Variants in CCDC178 observed in about 807,000 individuals in gnomAD.
CCDC178 encodes coiled-coil domain-containing protein 178.
A neutral mutation model predicts 117.4 loss-of-function variants in CCDC178; 126 were observed. The ratio of observed to expected loss-of-function variants is 1.07; its 90% CI spans 0.93 to 1.24. The LOEUF (loss-of-function observed/expected upper bound fraction) is 1.24, where lower values mean the gene tolerates loss of function less well. CCDC178 is among the 50% of genes most tolerant of loss of function. The pLI is 0.00. For synonymous variants in CCDC178, 283 were observed against 313.4 expected, an observed-to-expected ratio of 0.90 and a Z score of 1.02; for missense variants, 1,030 against 986.9, an observed-to-expected ratio of 1.04 and a Z score of -0.59.
intron 20 of CCDC178, among the ~76,000 whole-genome samples, chr18:33,093,823 T>C (rs183994014): frequency 2.6e-5 from 4 of 152,166 alleles, no homozygotes; most frequent in South Asian, 2.1e-4. Flanking sequence ...CTTTATTCAT[T>C]ACAATGTTAT....
At chr18:33,035,721 A>G (rs994279688) in intron 21 of CCDC178, among the ~76,000 whole-genome samples, 8 of 151,992 alleles carry the variant, frequency 5.3e-5, no homozygotes, top group Non-Finnish European at 1.2e-4. Context: ...GAAAGTGTTA[A>G]TTTGATTGTG....
chr18:33,437,163 G>T (rs748834878), intron 2 of CCDC178, among the ~76,000 whole-genome samples: 1 of 152,032 alleles, frequency 6.6e-6, no homozygotes, highest in Non-Finnish European at 1.5e-5. Context: ...AGAATTTGTC[G>T]CAAGTGTAAT....
At chr18:33,207,972 T>C (rs1340708308) in intron 20 of CCDC178, among the ~76,000 whole-genome samples, 3 of 152,024 alleles carry the variant, frequency 2.0e-5, no homozygotes, top group Non-Finnish European at 2.9e-5. Flanking sequence ...CTTGTGATCA[T>C]TGAAGCACCG....
intron 14 of CCDC178, among the ~76,000 whole-genome samples, chr18:33,246,961 G>T (rs2059556712): frequency 6.6e-6 from 1 of 151,900 alleles, no homozygotes; most frequent in Middle Eastern, 3.4e-3. Context: ...TGGTTAATTG[G>T]GACCAAGTAG....
intron 14 of CCDC178, among the ~76,000 whole-genome samples, chr18:33,250,474 A>C (rs1210261577): frequency 6.6e-6 from 1 of 151,690 alleles, no homozygotes; most frequent in East Asian, 1.9e-4. Context: ...AAAAATTTGA[A>C]AATAAACATT....
At chr18:32,959,226 A>G (rs1440811648) in intron 22 of CCDC178, among the ~76,000 whole-genome samples, 1 of 152,164 alleles carries the variant, frequency 6.6e-6, no homozygotes, top group Non-Finnish European at 1.5e-5. Flanking sequence ...AGAGTTTTCA[A>G]GTCAAGGTTT....
In CCDC178 at chr18:32,985,285, A is replaced by T. The variant is rs1173185052; in HGVS notation, c.2389-10604T>A. Among the ~76,000 whole-genome samples, 4 of 151,996 alleles carry T rather than the reference A, an allele frequency of 2.6e-5. No homozygotes were observed. In the South Asian group the frequency reaches 6.2e-4, roughly 24 times the overall value. ...GTTTTAAACAATTTGCAAAAATTCA[A>T]CTGCAAATGTAAATAAAATACGCCA... On this transcript the variant is annotated intron_variant, in intron 21 of 22. Transcript: ENST00000383096.
intron 22 of CCDC178, among the ~76,000 whole-genome samples, chr18:32,952,063 GC>G (rs60994256): frequency 1 from 152,322 of 152,324 alleles, 76,160 homozygotes; most frequent in Non-Finnish European, 1. Context: ...GCAGGGTACA[GC>G]CCCCCCTCCC....
At chr18:33,221,919 T>C (rs2059239523) in intron 18 of CCDC178, among the ~76,000 whole-genome samples, 1 of 152,106 alleles carries the variant, frequency 6.6e-6, no homozygotes, top group Non-Finnish European at 1.5e-5. Context: ...TAAAGAATTA[T>C]GTATATGATT....
Position 33,277,685 on chromosome 18 carries a change from C to T in CCDC178, c.1177-10388G>A, listed in dbSNP as rs548940382. The stretch of plus-strand genomic sequence containing the variant: ...TATGTTTTCACAGTTTCTATGTGGC[C>T]CCCTCCATCTTCAAGTCAGCAATGA... On this transcript the variant is annotated intron_variant, in intron 12 of 22. Transcript: ENST00000383096. Among the ~76,000 whole-genome samples, 8 of 152,080 alleles carry T rather than the reference C, an allele frequency of 5.3e-5. No homozygotes were observed. In the South Asian group the frequency reaches 1.7e-3, roughly 32 times the overall value.
intron 22 of CCDC178, among the ~76,000 whole-genome samples, chr18:32,945,996 T>C (rs996480561): frequency 2.6e-5 from 4 of 152,204 alleles, no homozygotes; most frequent in African/African-American, 9.6e-5. Context: ...TAATTGTCTC[T>C]TGACCATAAA....
intron 14 of CCDC178, among the ~76,000 whole-genome samples, chr18:33,247,984 G>C (rs1429073383): frequency 6.6e-6 from 1 of 151,336 alleles, no homozygotes. Context: ...CTAGACTTGA[G>C]AAAAAAATAG....
At position 33,333,206 on chromosome 18, in the gene CCDC178, C is replaced by T; in HGVS notation, c.847G>A (p.Asp283Asn). Residue 283 changes from aspartate to asparagine, a missense_variant, in exon 10 of 23, where the codon GAT becomes AAT. By Grantham distance (23) the Asp-to-Asn change is conservative. Transcript: ENST00000383096. ...LDSKQNQELQ[D>N]LKNHYKKKME... ...TTTTTTTTATAATGGTTCTTCAGAT[C>T]TTGAAGTTCCTGATTCTGCTTAGAG... is the stretch of plus-strand genomic sequence containing the variant. 1.9e-6 allele frequency: 3 copies of T among 1,601,964 alleles called. No homozygotes were observed. The highest frequency in any genetic ancestry group is 2.6e-6 in the Non-Finnish European group (3 of 1,173,750).
intron 9 of CCDC178, among the ~76,000 whole-genome samples, chr18:33,336,496 T>A (rs866003326): frequency 6.6e-6 from 1 of 152,140 alleles, no homozygotes; most frequent in African/African-American, 2.4e-5. Flanking sequence ...TTTAAATGAT[T>A]TGAAGAACTA....
intron 14 of CCDC178, among the ~76,000 whole-genome samples, chr18:33,249,006 T>C (rs2144703797): frequency 6.6e-6 from 1 of 152,274 alleles, no homozygotes; most frequent in East Asian, 1.9e-4. Context: ...TTTGCATTTC[T>C]CTGATGGCCA....
rs1450940045 is a variant in CCDC178, at chr18:33,260,877, A to T, written c.1409+6039T>A. On this transcript the variant is annotated intron_variant, in intron 14 of 22. Transcript: ENST00000383096. ...ACAAATCTGGTGAATGTATACGTAT[A>T]GGTCTGATTTTGGACTTTCTACTCA... Among the ~76,000 whole-genome samples, 3 of 152,044 alleles carry T rather than the reference A, an allele frequency of 2.0e-5. No individual in the cohort carries two copies. The East Asian group carries it at 5.8e-4, about 29-fold the overall frequency.
intron 5 of CCDC178, among the ~76,000 whole-genome samples, chr18:33,380,093 G>A (rs2063422557): frequency 6.6e-6 from 1 of 152,142 alleles, no homozygotes; most frequent in Non-Finnish European, 1.5e-5. Context: ...GGGTCCTGCT[G>A]CACCACAGTC....
chr18:33,355,912 T>C (rs1330151405), intron 7 of CCDC178, among the ~76,000 whole-genome samples: 2 of 152,198 alleles, frequency 1.3e-5, no homozygotes, highest in African/African-American at 4.8e-5. Flanking sequence ...AGGTGTACAC[T>C]GCTCTCTTCA....
chr18:33,078,701 A>T (rs901358202), intron 21 of CCDC178, among the ~76,000 whole-genome samples: 2 of 152,230 alleles, frequency 1.3e-5, no homozygotes, highest in African/African-American at 4.8e-5. Flanking sequence ...AAGGAAAAAA[A>T]TGCCTAGGAA....
Sources: gnomAD v4.1 joint callset for allele counts (sites outside exome capture counted in the v4.1 genomes callset) on GRCh38, gnomAD v4.1.1 for gene constraint, MANE v1.5 for transcripts, NCBI Gene and HGNC (gene_info 2026-07-23, HGNC 2026-07-21) for gene names.